TUSC3: variants seen among roughly 807,000 people sequenced by gnomAD.
TUSC3 encodes dolichyl-diphosphooligosaccharide--protein glycosyltransferase subunit TUSC3.
Under a neutral mutation model 44.8 loss-of-function variants are expected in TUSC3, and 45 were observed. The observed-to-expected ratio is 1.00, with a 90% confidence interval of 0.79 to 1.29. TUSC3 has a LOEUF of 1.29. Among genes scored for constraint, TUSC3 ranks in the 50% most tolerant of loss-of-function variants. The pLI is 0.00. For synonymous variants in TUSC3, 212 were observed against 152.9 expected, an observed-to-expected ratio of 1.39 and a Z score of -2.85; for missense variants, 519 against 437.9, an observed-to-expected ratio of 1.19 and a Z score of -1.65.
chr8:15,770,252 T>C (rs1359901580), downstream of TUSC3, among the ~76,000 whole-genome samples: 4 of 152,180 alleles, frequency 2.6e-5, no homozygotes, highest in East Asian at 5.8e-4. Flanking sequence ...TGAGTTCATA[T>C]CCTTTGCAGG....
the TUSC3 span, among the ~76,000 whole-genome samples, chr8:15,836,260 G>A: frequency 6.6e-6 from 1 of 151,664 alleles, no homozygotes; most frequent in South Asian, 2.1e-4. Flanking sequence ...TGGAATGCTT[G>A]AGGTCAGGAG....
At chr8:15,776,749 C>T in the TUSC3 span, among the ~76,000 whole-genome samples, 3 of 151,946 alleles carry the variant, frequency 2.0e-5, no homozygotes, top group African/African-American at 7.3e-5. Context: ...TATATTCTAC[C>T]ATCACAAAGT....
intron 4 of TUSC3, among the ~76,000 whole-genome samples, chr8:15,661,343 T>G (rs1357401031): frequency 6.6e-6 from 1 of 152,058 alleles, no homozygotes; most frequent in Non-Finnish European, 1.5e-5. Flanking sequence ...TAAGCTTCTT[T>G]TAATCCGGAA....
the TUSC3 span, among the ~76,000 whole-genome samples, chr8:15,804,706 G>T: frequency 1.8e-4 from 28 of 152,322 alleles, no homozygotes; most frequent in East Asian, 5.0e-3. Context: ...CCAGTACCAT[G>T]TGGTTTTGAT....
chr8:15,799,721 G>A, the TUSC3 span, among the ~76,000 whole-genome samples: 1 of 152,134 alleles, frequency 6.6e-6, no homozygotes, highest in South Asian at 2.1e-4. Context: ...GACTTTTTCA[G>A]CATCCCACAC....
intron 1 of TUSC3, among the ~76,000 whole-genome samples, chr8:15,559,103 A>C (rs1802367943): frequency 7.0e-6 from 1 of 143,430 alleles, no homozygotes; most frequent in African/African-American, 2.6e-5. Context: ...TTAGGGTGTC[A>C]ATTTTGGATC....
intron 1 of TUSC3, among the ~76,000 whole-genome samples, chr8:15,584,460 T>C (rs904768484): frequency 2.0e-5 from 3 of 152,152 alleles, no homozygotes; most frequent in African/African-American, 4.8e-5. Context: ...TTCAGGGGAA[T>C]CTAAAGGTAA....
the TUSC3 span, among the ~76,000 whole-genome samples, chr8:15,844,613 A>G: frequency 6.6e-6 from 1 of 152,166 alleles, no homozygotes; most frequent in Non-Finnish European, 1.5e-5. Flanking sequence ...CAATGGCTGT[A>G]TATTAGTATA....
chr8:15,524,003 C>G (rs1295270282), intron 2 of TUSC3, among the ~76,000 whole-genome samples: 1 of 148,712 alleles, frequency 6.7e-6, no homozygotes, highest in African/African-American at 2.5e-5. Flanking sequence ...TTGCAGTGAC[C>G]TGAGATTGCG....
intron 1 of TUSC3, among the ~76,000 whole-genome samples, chr8:15,448,675 C>T (rs1800144011): frequency 6.6e-6 from 1 of 152,110 alleles, no homozygotes; most frequent in African/African-American, 2.4e-5. Context: ...ATGTGTCTAA[C>T]ACGTAAATTA....
chr8:15,797,366 C>G, the TUSC3 span, among the ~76,000 whole-genome samples: 1 of 151,652 alleles, frequency 6.6e-6, no homozygotes, highest in Admixed American at 6.6e-5. Context: ...TTTTTTTTGG[C>G]TTTGAGGTCT....
chr8:15,660,074 A>G (rs1401535393), intron 4 of TUSC3, among the ~76,000 whole-genome samples: 2 of 152,082 alleles, frequency 1.3e-5, no homozygotes, highest in Non-Finnish European at 2.9e-5. Flanking sequence ...AAATTGGTGT[A>G]ACCATACTAA....
chr8:15,432,165 A>G (rs546620525), intron 1 of TUSC3, among the ~76,000 whole-genome samples: 1 of 152,100 alleles, frequency 6.6e-6, no homozygotes, highest in African/African-American at 2.4e-5. Context: ...AATCATCTGG[A>G]AGAGTTGAGA....
intron 1 of TUSC3, among the ~76,000 whole-genome samples, chr8:15,427,642 C>G (rs570956974): frequency 1.3e-5 from 2 of 152,088 alleles, no homozygotes; most frequent in African/African-American, 4.8e-5. Context: ...AATAAACTTT[C>G]ACTTCTTCTC....
chr8:15,562,376 A>G (rs28701802), intron 1 of TUSC3, among the ~76,000 whole-genome samples: 11 of 152,270 alleles, frequency 7.2e-5, no homozygotes, highest in African/African-American at 2.6e-4. Context: ...CTCCCTTAAG[A>G]TGAGTAATCC....
intron 1 of TUSC3, among the ~76,000 whole-genome samples, chr8:15,425,792 C>T (rs571419903): frequency 8.5e-5 from 13 of 152,304 alleles, no homozygotes; most frequent in African/African-American, 2.6e-4. Flanking sequence ...TTATTCCAAG[C>T]GGCCTGATGA....
chr8:15,795,051 G>T, the TUSC3 span, among the ~76,000 whole-genome samples: 1 of 152,094 alleles, frequency 6.6e-6, no homozygotes, highest in East Asian at 1.9e-4. Flanking sequence ...ACGGAAAGAG[G>T]TTGGAACACA....
At chr8:15,452,905 T>C (rs553148520) in intron 1 of TUSC3, among the ~76,000 whole-genome samples, 15 of 152,266 alleles carry the variant, frequency 9.9e-5, no homozygotes, top group African/African-American at 3.6e-4. Context: ...TTTTAATACA[T>C]CTGCCTTTCT....
chr8:15,717,799 C>G (rs1333067246), intron 6 of TUSC3, among the ~76,000 whole-genome samples: 3 of 152,052 alleles, frequency 2.0e-5, no homozygotes, highest in Non-Finnish European at 4.4e-5. Flanking sequence ...TATAGCACCT[C>G]TCAAGAAGAA....
Sources: allele counts gnomAD v4.1 joint callset (sites outside exome capture counted in the v4.1 genomes callset), GRCh38; gene constraint gnomAD v4.1.1; transcripts MANE v1.5; gene names NCBI Gene and HGNC (gene_info 2026-07-23, HGNC 2026-07-21).